The following SEMA3D variants were observed in gnomAD, a reference collection of about 807,000 sequenced individuals.
SEMA3D encodes the protein semaphorin 3D.
SEMA3D carries 84 observed loss-of-function variants against 100.1 expected under a neutral mutation model. That is an observed-to-expected ratio of 0.84 (90% confidence interval 0.70 to 1.01). The LOEUF (loss-of-function observed/expected upper bound fraction) is 1.01. SEMA3D is among the 50% of genes least tolerant of loss of function. The probability of loss-of-function intolerance (pLI) is 0.00; values close to 1 mark genes in which losing one functional copy is unlikely to be tolerated. For synonymous variants in SEMA3D, 312 were observed against 320.7 expected (o/e 0.97, Z 0.29); for missense variants, 875 against 934.1 (o/e 0.94, Z 0.82).
At chr7:85,130,363 A>C (rs2116431219) in intron 2 of SEMA3D, among the ~76,000 whole-genome samples, 1 of 152,298 alleles carries the variant, frequency 6.6e-6, no homozygotes, top group African/African-American at 2.4e-5. Flanking sequence ...CATTTTTTAT[A>C]TTTCTAATGA....
At chr7:85,072,611 A>C (rs1791805927) in intron 6 of SEMA3D, among the ~76,000 whole-genome samples, 2 of 152,226 alleles carry the variant, frequency 1.3e-5, no homozygotes, top group Non-Finnish European at 2.9e-5. Context: ...CTTTTAATAG[A>C]AAAAACATTT....
chr7:84,999,981 C>A, intron 18 of SEMA3D, 116 bp from the exon 19 acceptor site: 1 of 814,412 alleles, frequency 1.2e-6, no homozygotes, highest in South Asian at 1.8e-5. Context: ...CATTGTCTCT[C>A]TGTCTCTGTC....
In SEMA3D at chr7:85,040,277, C is replaced by T. The variant is rs1175915810; in HGVS notation, c.1046+396G>A. Among the ~76,000 whole-genome samples, 5 of 152,130 alleles carry T rather than the reference C, an allele frequency of 3.3e-5. No homozygotes were observed. In the South Asian group the frequency reaches 8.3e-4, roughly 25 times the overall value. ...ATAGGAGTGAGCTGGTGAGCCCAGC[C>T]TGCATATGCCTTTTATACACAGAAA... On this transcript the variant is annotated intron_variant, in intron 11 of 18. Transcript: ENST00000284136.
At chr7:85,082,360 T>C (rs572887485) in intron 4 of SEMA3D, among the ~76,000 whole-genome samples, 11 of 152,214 alleles carry the variant, frequency 7.2e-5, no homozygotes, top group Non-Finnish European at 1.5e-4. Context: ...GGCTTTTTTC[T>C]TTCTTTTAAA....
intron 9 of SEMA3D, among the ~76,000 whole-genome samples, chr7:85,054,743 C>A (rs1791260658): frequency 6.6e-6 from 1 of 152,014 alleles, no homozygotes; most frequent in South Asian, 2.1e-4. Flanking sequence ...AAAGTTTGTA[C>A]AAGACCAAAG....
intron 8 of SEMA3D, among the ~76,000 whole-genome samples, chr7:85,058,285 G>A (rs1220269919): frequency 6.6e-6 from 1 of 151,800 alleles, no homozygotes; most frequent in African/African-American, 2.4e-5. Context: ...ATCTCAAATT[G>A]GCAAGGCCCA....
chr7:85,020,118 C>A, intron 14 of SEMA3D, 115 bp downstream of exon 14: 1 of 668,444 alleles, frequency 1.5e-6, no homozygotes, highest in Non-Finnish European at 2.6e-6. Context: ...ACTAAGAAAG[C>A]TAATTTCAAA....
At chr7:85,227,013 T>C in the SEMA3D span, among the ~76,000 whole-genome samples, 1 of 152,180 alleles carries the variant, frequency 6.6e-6, no homozygotes, top group Non-Finnish European at 1.5e-5. Flanking sequence ...TAAGATTGAA[T>C]TGTAAAAGCA....
chr7:85,083,672 G>A (rs1788129334), intron 4 of SEMA3D, among the ~76,000 whole-genome samples: 2 of 150,992 alleles, frequency 1.3e-5, no homozygotes, highest in African/African-American at 4.9e-5. Context: ...GTGAAACCCC[G>A]TCTCTACTAA....
At chr7:85,088,631 A>G (rs754640750) in intron 4 of SEMA3D, among the ~76,000 whole-genome samples, 18 of 152,200 alleles carry the variant, frequency 1.2e-4, no homozygotes, top group Non-Finnish European at 2.6e-4. Flanking sequence ...TCCTGTTGCA[A>G]AACAAGAGCA....
At chr7:85,121,637 A>G (rs1189135876) in intron 3 of SEMA3D, 104 bp downstream of exon 3, 1 of 632,512 alleles carries the variant, frequency 1.6e-6, no homozygotes, top group Non-Finnish European at 2.6e-6. Flanking sequence ...ATGCCAAAAC[A>G]TTTCACAGAA....
chr7:85,004,245 C>T (rs1789733332), intron 18 of SEMA3D, among the ~76,000 whole-genome samples: 1 of 152,016 alleles, frequency 6.6e-6, no homozygotes, highest in South Asian at 2.1e-4. Flanking sequence ...CTTATCTACA[C>T]TTAGTGGCCT....
chr7:85,148,607 C>T (rs1790279922), intron 2 of SEMA3D, among the ~76,000 whole-genome samples: 1 of 152,096 alleles, frequency 6.6e-6, no homozygotes, highest in Non-Finnish European at 1.5e-5. Flanking sequence ...CCTTGGAGCA[C>T]CCCCAGGTTT....
intron 12 of SEMA3D, among the ~76,000 whole-genome samples, chr7:85,030,603 T>C (rs1790521157): frequency 6.6e-6 from 1 of 152,064 alleles, no homozygotes; most frequent in Non-Finnish European, 1.5e-5. Context: ...AAGTATTTTC[T>C]CCTCACCTTT....
chr7:85,236,289 A>AT, the SEMA3D span, among the ~76,000 whole-genome samples: 10 of 130,550 alleles, frequency 7.7e-5, no homozygotes, highest in African/African-American at 3.5e-4. Context: ...TATTTTATTT[A>AT]TTTATTTATT....
intron 13 of SEMA3D, among the ~76,000 whole-genome samples, chr7:85,021,344 C>A (rs1032814221): frequency 5.9e-5 from 9 of 151,694 alleles, no homozygotes; most frequent in African/African-American, 2.2e-4. Context: ...TTTGGGTGGA[C>A]AGTACAAATT....
the SEMA3D span, among the ~76,000 whole-genome samples, chr7:85,237,121 T>A: frequency 1.4e-4 from 21 of 152,206 alleles, no homozygotes; most frequent in African/African-American, 3.4e-4. Context: ...AATTCTTTTT[T>A]AAATTAATAA....
At chr7:85,050,120 C>CACACACACAG (rs3220727) in intron 9 of SEMA3D, among the ~76,000 whole-genome samples, 1 of 139,824 alleles carries the variant, frequency 7.2e-6, no homozygotes, top group African/African-American at 2.7e-5. Flanking sequence ...CACACACACA[C>CACACACACAG]AGAGACAGAG....
intron 3 of SEMA3D, among the ~76,000 whole-genome samples, chr7:85,118,657 G>C (rs1789317533): frequency 6.6e-6 from 1 of 152,012 alleles, no homozygotes; most frequent in South Asian, 2.1e-4. Context: ...CCTCATAGAT[G>C]CTTTATATTA....
Sources: allele counts gnomAD v4.1 joint callset (sites outside exome capture counted in the v4.1 genomes callset), GRCh38; gene constraint gnomAD v4.1.1; transcripts MANE v1.5; gene names NCBI Gene and HGNC (gene_info 2026-07-23, HGNC 2026-07-21).